Variants in ARHGEF3 observed in about 807,000 individuals in gnomAD.
ARHGEF3 encodes Rho guanine nucleotide exchange factor 3, also known as 59.8 kDA protein.
A neutral mutation model predicts 63.2 loss-of-function variants in ARHGEF3; 28 were observed. That is an observed-to-expected ratio of 0.44 (90% CI 0.33 to 0.61). The LOEUF is 0.61. Ranked by LOEUF, ARHGEF3 falls within the 20% of genes least tolerant of loss-of-function variation. The probability of loss-of-function intolerance (pLI) is 0.03; values close to 1 mark genes in which losing one functional copy is unlikely to be tolerated. For missense variants in ARHGEF3, 533 were observed against 659.3 expected, an observed-to-expected ratio of 0.81 and a Z score of 2.10; for synonymous variants, 266 against 254.2, an observed-to-expected ratio of 1.05 and a Z score of -0.44.
intron 4 of ARHGEF3, among the ~76,000 whole-genome samples, chr3:56,812,927 A>G (rs1020037459): frequency 6.6e-6 from 1 of 152,210 alleles, no homozygotes; most frequent in South Asian, 2.1e-4. Context: ...CTCATCTGTC[A>G]TTGAGTGGGA....
At chr3:56,845,335 T>C (rs1357526130) in intron 4 of ARHGEF3, among the ~76,000 whole-genome samples, 3 of 152,374 alleles carry the variant, frequency 2.0e-5, no homozygotes, top group African/African-American at 7.2e-5. Flanking sequence ...ACTAAGTTTG[T>C]AGTAATATTG....
intron 6 of ARHGEF3, among the ~76,000 whole-genome samples, chr3:56,750,395 C>T (rs1379430433): frequency 6.6e-6 from 1 of 152,180 alleles, no homozygotes; most frequent in Non-Finnish European, 1.5e-5. Flanking sequence ...TCACAGCTTA[C>T]TTCTTTTTAT....
chr3:56,817,266 T>A lies in ARHGEF3; in HGVS notation c.193-43450A>T, dbSNP rs139299914. On this transcript the variant is annotated intron_variant, in intron 4 of 12. Coordinates refer to the ARHGEF3 transcript ENST00000338458. ...ACCTGGTTAAGGGGCTACCACATAG[T>A]AATAATTTCATAAACAGTAGCTAGG... Among the ~76,000 whole-genome samples the A allele has an allele frequency of 1.8e-4, 28 of 152,234 alleles. No individual in the cohort carries two copies. In the East Asian group the frequency reaches 5.2e-3, roughly 28 times the overall value.
upstream of ARHGEF3, among the ~76,000 whole-genome samples, chr3:56,803,023 A>T (rs982018652): frequency 2.1e-5 from 3 of 141,224 alleles, no homozygotes; most frequent in Non-Finnish European, 4.4e-5. Flanking sequence ...CATTTGTGTT[A>T]AAAAAAAATA....
At chr3:56,756,502 A>T (rs965532683) in intron 2 of ARHGEF3, among the ~76,000 whole-genome samples, 5 of 150,106 alleles carry the variant, frequency 3.3e-5, no homozygotes, top group Non-Finnish European at 7.4e-5. Flanking sequence ...CCCTTCAAAC[A>T]ATCTTCTCTT....
chr3:56,904,952 G>A (rs1339627474), intron 3 of ARHGEF3, among the ~76,000 whole-genome samples: 2 of 152,222 alleles, frequency 1.3e-5, no homozygotes, highest in East Asian at 1.9e-4. Context: ...CATGCATGTC[G>A]AAACTCCATT....
chr3:56,916,566 G>T, intron 3 of ARHGEF3: 1 of 1,182,614 alleles, frequency 8.5e-7, no homozygotes, highest in Non-Finnish European at 1.1e-6. Flanking sequence ...TGCTGCTTTT[G>T]CAGAGCACTC....
intron 1 of ARHGEF3, among the ~76,000 whole-genome samples, chr3:57,052,741 C>T (rs1055745376): frequency 6.6e-5 from 10 of 152,282 alleles, no homozygotes; most frequent in Middle Eastern, 6.8e-3. Context: ...CCAGAGCACT[C>T]GGGCTGTCCC....
intron 4 of ARHGEF3, among the ~76,000 whole-genome samples, chr3:56,814,972 A>AACAATTATTATT (rs1241770740): frequency 6.6e-6 from 1 of 151,942 alleles, no homozygotes; most frequent in Non-Finnish European, 1.5e-5. Context: ...CTACAATAAT[A>AACAATTATTATT]ATAACAATTA....
chr3:56,995,628 A>T (rs1701945277), intron 2 of ARHGEF3, among the ~76,000 whole-genome samples: 1 of 43,420 alleles, frequency 2.3e-5, no homozygotes, highest in Non-Finnish European at 5.7e-5. Context: ...TCCGAGAGAG[A>T]GAGAGAGAGA....
At chr3:56,835,861 A>T (rs2039090544) in intron 4 of ARHGEF3, among the ~76,000 whole-genome samples, 1 of 152,222 alleles carries the variant, frequency 6.6e-6, no homozygotes, top group South Asian at 2.1e-4. Context: ...GGAAAAAAGA[A>T]TACAAAAATT....
chr3:57,052,821 T>G (rs1343189781), intron 1 of ARHGEF3, among the ~76,000 whole-genome samples: 1 of 150,836 alleles, frequency 6.6e-6, no homozygotes, highest in African/African-American at 2.4e-5. Context: ...CCAGCAGGAG[T>G]ACCCAAGCAG....
At chr3:57,059,399 A>G (rs938808391) in intron 1 of ARHGEF3, among the ~76,000 whole-genome samples, 2 of 151,228 alleles carry the variant, frequency 1.3e-5, no homozygotes, top group African/African-American at 4.9e-5. Context: ...AAAAACTCAT[A>G]ATGTTTTTTA....
chr3:56,754,884 A>G, intron 3 of ARHGEF3, 97 bp downstream of exon 3: 1 of 1,491,520 alleles, frequency 6.7e-7, no homozygotes, highest in Non-Finnish European at 9.2e-7. Context: ...GCAATGAAGA[A>G]TTGATTTGGA....
chr3:56,947,403 T>C (rs1205854197), intron 3 of ARHGEF3, among the ~76,000 whole-genome samples: 4 of 151,966 alleles, frequency 2.6e-5, no homozygotes, highest in Non-Finnish European at 5.9e-5. Context: ...CAGAGACACA[T>C]ATAGGCTCAA....
In ARHGEF3 at chr3:56,829,244, T is replaced by G. The variant is rs182015308; in HGVS notation, c.192+53048A>C. Among the ~76,000 whole-genome samples the G allele has an allele frequency of 2.2e-3, 336 of 152,204 alleles. 2 individuals are homozygous for G. Among genetic ancestry groups the G allele is most frequent in the South Asian group, 6.0e-3 (29 of 4,820 alleles). ...CCCAGCCTGGGACAGACTTTTATAT[T>G]GTACAATTGCCCTCCATCCAGGGCC... On this transcript the variant is annotated intron_variant, in intron 4 of 12. Transcript: ENST00000338458.
At chr3:57,037,009 T>C (rs1181321389) in intron 1 of ARHGEF3, among the ~76,000 whole-genome samples, 5 of 151,872 alleles carry the variant, frequency 3.3e-5, no homozygotes, top group Admixed American at 2.6e-4. Flanking sequence ...TAGGGGAGAG[T>C]CCCCAGCCAC....
At chr3:56,869,049 G>A (rs764368617) in intron 4 of ARHGEF3, among the ~76,000 whole-genome samples, 54 of 151,996 alleles carry the variant, frequency 3.6e-4, no homozygotes, top group Admixed American at 1.9e-3. Context: ...CAGCAAAATC[G>A]TCCCTTTCCT....
chr3:56,986,476 A>G (rs1701542007), intron 2 of ARHGEF3, among the ~76,000 whole-genome samples: 1 of 152,214 alleles, frequency 6.6e-6, no homozygotes, highest in Non-Finnish European at 1.5e-5. Context: ...GTCAAAGCCA[A>G]TGTCCTGGCA....
Sources: allele counts gnomAD v4.1 joint callset (sites outside exome capture counted in the v4.1 genomes callset), GRCh38; gene constraint gnomAD v4.1.1; transcripts MANE v1.5; gene names NCBI Gene and HGNC (gene_info 2026-07-23, HGNC 2026-07-21).